The following TMC1 variants were observed in gnomAD, a reference collection of about 807,000 sequenced individuals.
TMC1 encodes the protein transmembrane channel-like protein 1.
Under a neutral mutation model 105.8 loss-of-function variants are expected in TMC1, and 84 were observed. The observed-to-expected ratio is 0.79, with a 90% CI of 0.67 to 0.95. The LOEUF (loss-of-function observed/expected upper bound fraction) is 0.95. Ranked by LOEUF, TMC1 falls within the 40% of genes least tolerant of loss-of-function variation. The pLI, the probability that TMC1 is intolerant of heterozygous loss-of-function variation, is 0.00. For missense variants in TMC1, 817 were observed against 914.1 expected (o/e 0.89, Z 1.37); for synonymous variants, 315 against 311.5 (o/e 1.01, Z -0.12).
intron 2 of TMC1, among the ~76,000 whole-genome samples, chr9:72,596,348 A>G (rs1002832629): frequency 6.6e-6 from 1 of 152,168 alleles, no homozygotes. Flanking sequence ...TGAACAATTC[A>G]GTGTTCCAGT....
At chr9:72,681,266 GA>G (rs2132176852) in intron 5 of TMC1, among the ~76,000 whole-genome samples, 1 of 152,206 alleles carries the variant, frequency 6.6e-6, no homozygotes, top group Admixed American at 6.6e-5. Flanking sequence ...GGTTAAATAA[GA>G]AATGTTCCCT....
intron 1 of TMC1, among the ~76,000 whole-genome samples, chr9:72,560,838 A>T (rs1025213574): frequency 6.6e-6 from 1 of 151,396 alleles, no homozygotes; most frequent in Non-Finnish European, 1.5e-5. Flanking sequence ...CATTTCCTCA[A>T]CTAAACTTCA....
chr9:72,682,580 T>A (rs1374939124), intron 5 of TMC1, among the ~76,000 whole-genome samples: 1 of 152,222 alleles, frequency 6.6e-6, no homozygotes, highest in Non-Finnish European at 1.5e-5. Context: ...GGGAGCTGCT[T>A]AGTTAACCTG....
chr9:72,528,270 G>GAACTTC (rs924317475), intron 1 of TMC1, among the ~76,000 whole-genome samples: 3 of 151,922 alleles, frequency 2.0e-5, no homozygotes, highest in African/African-American at 4.8e-5. Flanking sequence ...CATTGATCTT[G>GAACTTC]AACTTCCTAT....
At chr9:72,607,615 CA>C (rs1156416280) in intron 2 of TMC1, among the ~76,000 whole-genome samples, 1,266 of 55,146 alleles carry the variant, frequency 0.023, 6 homozygotes, top group Middle Eastern at 0.098. Context: ...GAGTCTGCCT[CA>C]AAAAAAAAAA....
rs1828288372 is a variant in TMC1, at chr9:72,792,408, T to G, written c.1566+56T>G. On this transcript the variant is annotated intron_variant, in intron 17 of 23. Transcript: ENST00000297784. ...TAGTAGATTAAAAAAAGAGAGTCAA[T>G]ATCTCTTCCATAAGATTGGCTTTTA... 3 of 1,590,820 alleles carry G rather than the reference T, an allele frequency of 1.9e-6. No individual in the cohort carries two copies. The Admixed American group carries it at 5.0e-5, about 27-fold the overall frequency.
intron 5 of TMC1, among the ~76,000 whole-genome samples, chr9:72,683,315 C>G (rs1826317389): frequency 6.6e-6 from 1 of 151,992 alleles, no homozygotes; most frequent in Non-Finnish European, 1.5e-5. Context: ...TATCTAAATG[C>G]TGTTCTTGGC....
In TMC1 at chr9:72,596,801, C is replaced by A. The variant is rs534207941; in HGVS notation, c.-306+18778C>A. Among the ~76,000 whole-genome samples the A allele has an allele frequency of 4.6e-5, 7 of 152,076 alleles. No homozygotes were observed. The South Asian group carries it at 1.5e-3, about 32-fold the overall frequency. On this transcript the variant is annotated intron_variant, in intron 2 of 23. Transcript: ENST00000297784. ...TGAATGTTAAAAGCTTTCATTCCCC[C>A]TGGAAGAAAACACATAGCTAACTAA...
At chr9:72,669,636 G>A (rs937440622) in intron 5 of TMC1, among the ~76,000 whole-genome samples, 19 of 151,624 alleles carry the variant, frequency 1.3e-4, no homozygotes, top group Non-Finnish European at 1.5e-5. Flanking sequence ...CATACCTGGG[G>A]ATGAGCCGAT....
intron 17 of TMC1, among the ~76,000 whole-genome samples, chr9:72,792,871 G>T (rs540917069): frequency 1.3e-5 from 2 of 152,250 alleles, no homozygotes; most frequent in South Asian, 4.1e-4. Flanking sequence ...ACATGCATTG[G>T]ATCTAATCAA....
chr9:72,786,893 T>C (rs1828176331), intron 13 of TMC1, among the ~76,000 whole-genome samples: 1 of 152,142 alleles, frequency 6.6e-6, no homozygotes, highest in Non-Finnish European at 1.5e-5. Context: ...TGGCCATTTT[T>C]ACTTGAAGCC....
At chr9:72,795,566 G>C (rs1828350368) in intron 17 of TMC1, among the ~76,000 whole-genome samples, 1 of 152,102 alleles carries the variant, frequency 6.6e-6, no homozygotes, top group African/African-American at 2.4e-5. Context: ...AAGCAAAGGA[G>C]AAATAAGATA....
chr9:72,585,847 C>T (rs1415877104), intron 2 of TMC1, among the ~76,000 whole-genome samples: 4 of 151,892 alleles, frequency 2.6e-5, no homozygotes, highest in Admixed American at 6.6e-5. Context: ...GTGGATGGGG[C>T]GTAGATGGAG....
At chr9:72,549,609 T>A (rs1373606472) in intron 1 of TMC1, among the ~76,000 whole-genome samples, 3 of 31,528 alleles carry the variant, frequency 9.5e-5, no homozygotes, top group Non-Finnish European at 1.7e-4. Context: ...CATCTGGCTA[T>A]TTTTTTTTTT....
chr9:72,732,266 A>C (rs768772254), intron 8 of TMC1, among the ~76,000 whole-genome samples: 1 of 152,210 alleles, frequency 6.6e-6, no homozygotes, highest in Non-Finnish European at 1.5e-5. Flanking sequence ...TTTGCTATGA[A>C]AAATAATAAA....
chr9:72,527,572 T>C (rs1228982803), intron 1 of TMC1, among the ~76,000 whole-genome samples: 1 of 152,190 alleles, frequency 6.6e-6, no homozygotes, highest in Non-Finnish European at 1.5e-5. Context: ...CTCACGCTCC[T>C]CCTGCTCCTC....
At chr9:72,810,364 G>T (rs1317393853) in intron 18 of TMC1, among the ~76,000 whole-genome samples, 1 of 152,048 alleles carries the variant, frequency 6.6e-6, no homozygotes, top group Non-Finnish European at 1.5e-5. Flanking sequence ...GCATGTGCAT[G>T]TATACACACA....
At chr9:72,655,783 A>ATT in intron 5 of TMC1, 1 of 565,996 alleles carries the variant, frequency 1.8e-6, no homozygotes, top group Non-Finnish European at 3.2e-6. Context: ...TGCTTGTTTC[A>ATT]TTTTTTTTTA....
At chr9:72,820,249 A>G (rs1828845766) in intron 19 of TMC1, among the ~76,000 whole-genome samples, 2 of 152,348 alleles carry the variant, frequency 1.3e-5, no homozygotes, top group Non-Finnish European at 2.9e-5. Flanking sequence ...AGAGAAAATG[A>G]TCAACATCAG....
Sources: gnomAD v4.1 joint callset for allele counts (sites outside exome capture counted in the v4.1 genomes callset) on GRCh38, gnomAD v4.1.1 for gene constraint, MANE v1.5 for transcripts, NCBI Gene and HGNC (gene_info 2026-07-23, HGNC 2026-07-21) for gene names.